TRIM25: variants seen among roughly 807,000 people sequenced by gnomAD.
The protein encoded by TRIM25 is E3 ubiquitin/ISG15 ligase TRIM25.
In TRIM25, 45 loss-of-function variants were observed where a neutral mutation model predicts 65.2. The ratio of observed to expected loss-of-function variants is 0.69; its 90% CI spans 0.54 to 0.89. The LOEUF (loss-of-function observed/expected upper bound fraction) is 0.89. TRIM25 is among the 40% of genes least tolerant of loss of function. The pLI is 0.00. For synonymous variants in TRIM25, 321 were observed against 340.4 expected, an observed-to-expected ratio of 0.94 and a Z score of 0.63; for missense variants, 714 against 803.7, an observed-to-expected ratio of 0.89 and a Z score of 1.35.
chr17:56,911,382 C>T (rs774853002), intron 1 of TRIM25, among the ~76,000 whole-genome samples: 46 of 152,028 alleles, frequency 3.0e-4, no homozygotes, highest in South Asian at 2.1e-4. Context: ...GAATTCGAGA[C>T]CAGCCTGGCC....
At position 56,888,016 on chromosome 17, in the gene TRIM25, C is replaced by A. The variant is rs1012583310; in HGVS notation, c.*3684G>T. 2.6e-5 allele frequency: 4 copies of A among 152,286 alleles called. No individual in the cohort carries two copies. Among genetic ancestry groups the A allele is most frequent in the African/African-American group, 9.6e-5 (4 of 41,472 alleles). 9.4% of individuals were successfully genotyped at this position (152,286 alleles called of 1,614,324 possible). A position where few individuals can be genotyped will look rare whatever the true frequency, so the allele number is the denominator to read the frequency against. On this transcript the variant is annotated 3_prime_UTR_variant, in exon 9 of 9. Coordinates refer to ENST00000316881, the MANE Select transcript of TRIM25 (RefSeq NM_005082.5). ...CTTGAGCACAGTGCTCCCATGCCCCCTCTTCGTGGAATTAGGGCACACTGC... is the reference window on the plus strand; with the variant it reads ...CTTGAGCACAGTGCTCCCATGCCCCATCTTCGTGGAATTAGGGCACACTGC...
intron 1 of TRIM25, among the ~76,000 whole-genome samples, chr17:56,909,684 C>CAAAA (rs34148848): frequency 8.0e-6 from 1 of 124,602 alleles, no homozygotes; most frequent in African/African-American, 3.1e-5. Flanking sequence ...GACCCTGTCT[C>CAAAA]AAAAAAAAAA....
chr17:56,913,930 AAGGGCTCCAGGCAGATGG>A lies in TRIM25; in HGVS notation c.41_58del (p.Ser14_Pro19del), dbSNP rs769490626. 1 of 1,585,580 alleles carries A rather than the reference AAGGGCTCCAGGCAGATGG, an allele frequency of 6.3e-7. No homozygotes were observed. Among genetic ancestry groups the A allele is most frequent in the Non-Finnish European group, 8.6e-7 (1 of 1,166,698 alleles). ...GCACGGAGTGGTGACCGGCTCCTTG[AAGGGCTCCAGGCAGATGG>A]AGCACGACAGCTCCTCGGCCAGGGG... On this transcript the variant is annotated inframe_deletion, in exon 1 of 9. Transcript: ENST00000316881. This position sits in a 1 kb window ranked among gnomAD's most constrained non-coding sequence, Gnocchi z 6.1.
rs1909169255 is a variant in TRIM25, at chr17:56,891,538, T to A, written c.*162A>T. 2.2e-6 allele frequency: 2 copies of A among 889,680 alleles called. No homozygotes were observed. The highest frequency in any genetic ancestry group is 3.6e-5 in the South Asian group (2 of 55,996). 55.1% of individuals were successfully genotyped at this position (889,680 alleles called of 1,614,324 possible). ...CCACAACACAATCACTCTCACCCCT[T>A]TCCTGGCTAAATCCCACCTCCCACC... On this transcript the variant is annotated 3_prime_UTR_variant, in exon 9 of 9. Coordinates refer to ENST00000316881, the MANE Select transcript of TRIM25 (RefSeq NM_005082.5).
intron 8 of TRIM25, among the ~76,000 whole-genome samples, chr17:56,894,808 C>T (rs1243754550): frequency 6.6e-6 from 1 of 151,962 alleles, no homozygotes; most frequent in African/African-American, 2.4e-5. Flanking sequence ...GGCCAGGAGG[C>T]GAGGAAGGGG....
intron 1 of TRIM25, among the ~76,000 whole-genome samples, chr17:56,912,406 A>G (rs1909647225): frequency 6.6e-6 from 1 of 152,224 alleles, no homozygotes; most frequent in African/African-American, 2.4e-5. Flanking sequence ...GCCAGGACGG[A>G]GGACACTATG....
intron 2 of TRIM25, 75 bp from the exon 3 acceptor site, chr17:56,904,563 G>C: frequency 7.4e-7 from 1 of 1,352,718 alleles, no homozygotes; most frequent in South Asian, 1.2e-5. Flanking sequence ...GCATGGGTGA[G>C]ATGTGGAGTT....
At chr17:56,904,052 T>C (rs926034735) in intron 3 of TRIM25, among the ~76,000 whole-genome samples, 1 of 152,094 alleles carries the variant, frequency 6.6e-6, no homozygotes, top group Admixed American at 6.6e-5. Context: ...AGAGAAACTC[T>C]GAGAGAATAA....
chr17:56,907,536 A>C lies in TRIM25; in HGVS notation c.693+932T>G, dbSNP rs116571846. Among the ~76,000 whole-genome samples the C allele has an allele frequency of 4.1e-3, 626 of 152,362 alleles. 8 individuals carry two copies. The highest frequency in any genetic ancestry group is 0.015 in the African/African-American group (606 of 41,582). On this transcript the variant is annotated intron_variant, in intron 2 of 8. Coordinates refer to ENST00000316881, the MANE Select transcript of TRIM25 (RefSeq NM_005082.5). ...AAAACTGGTGCTGCAGCTCTGAAAA[A>C]GGGTAAAAATCTGATCTTTCCATTT...
At chr17:56,898,328 C>T (rs1168732908) in intron 5 of TRIM25, among the ~76,000 whole-genome samples, 1 of 152,182 alleles carries the variant, frequency 6.6e-6, no homozygotes, top group Non-Finnish European at 1.5e-5. Context: ...GGTATATGGA[C>T]ATCTCAGTGG....
intron 3 of TRIM25, among the ~76,000 whole-genome samples, chr17:56,903,024 C>T (rs1909444131): frequency 6.6e-6 from 1 of 152,190 alleles, no homozygotes; most frequent in Non-Finnish European, 1.5e-5. Context: ...CACCAAAGGC[C>T]TAACTAAAAG....
intron 5 of TRIM25, among the ~76,000 whole-genome samples, chr17:56,898,520 C>T (rs1355489272): frequency 6.6e-6 from 1 of 152,088 alleles, no homozygotes; most frequent in Non-Finnish European, 1.5e-5. Context: ...GATAGTACCC[C>T]TAGGAGGGCA....
chr17:56,893,120 T>C (rs1334631515), intron 8 of TRIM25, among the ~76,000 whole-genome samples: 1 of 151,586 alleles, frequency 6.6e-6, no homozygotes, highest in Non-Finnish European at 1.5e-5. Flanking sequence ...GCTGGGTGGC[T>C]GGGAACACAG....
At position 56,891,595 on chromosome 17, in the gene TRIM25, C is replaced by G. The variant is rs573685313; in HGVS notation, c.*105G>C. On this transcript the variant is annotated 3_prime_UTR_variant, in exon 9 of 9. Coordinates refer to ENST00000316881, the MANE Select transcript of TRIM25 (RefSeq NM_005082.5). ...CCAGCTCCCCTCCCATGCTCCCAAT[C>G]CTTGGGACCTCTTGGGGAATTATCC... 2 of 612,036 alleles carry G rather than the reference C, an allele frequency of 3.3e-6. No homozygotes were observed. The highest frequency in any genetic ancestry group is 4.0e-5 in the African/African-American group (2 of 50,308). The allele number at this position is 612,036 out of a possible 1,614,324, so 37.9% of individuals were successfully genotyped here.
intron 1 of TRIM25, among the ~76,000 whole-genome samples, chr17:56,909,593 G>A (rs1180645541): frequency 1.3e-5 from 2 of 151,444 alleles, no homozygotes; most frequent in African/African-American, 4.9e-5. Flanking sequence ...GCTGAGGCAG[G>A]AGGATCGCTT....
In TRIM25 at chr17:56,895,550, A is replaced by G. The variant is rs1909274983; in HGVS notation, c.1235T>C (p.Leu412Ser). ...CAAGCCAGCTTGTTTTAAATCCACT[A>G]ACTGTTCCGGGGCTCCAAACGTGGG... is the stretch of plus-strand genomic sequence containing the variant. Reference protein sequence around the residue: ...KLPTFGAPEQLVDLKQAGLEA... With the variant: ...KLPTFGAPEQSVDLKQAGLEA... Residue 412 changes from leucine to serine, a missense_variant, in exon 7 of 9, where the codon TTA becomes TCA. This residue lies in a region of TRIM25 where 413 missense variants were observed against 498.2 expected (regional missense o/e 0.83). Coordinates refer to ENST00000316881, the MANE Select transcript of TRIM25 (RefSeq NM_005082.5). 6.3e-7 allele frequency: 1 copy of G among 1,598,400 alleles called. No homozygotes were observed. Among genetic ancestry groups the G allele is most frequent in the South Asian group, 1.1e-5 (1 of 88,460 alleles).
rs1194359581 is a variant in TRIM25 at position 56,913,838 on chromosome 17, G to A, written c.151C>T (p.Pro51Ser). The change falls in exon 1 of 9, where the codon CCG becomes TCG. Residue 51 changes from proline to serine, a missense_variant. This residue lies in a region of TRIM25 where 291 missense variants were observed against 281.8 expected (regional missense o/e 1.03). Coordinates refer to ENST00000316881, the MANE Select transcript of TRIM25 (RefSeq NM_005082.5). This position sits in a 1 kb window ranked among gnomAD's most constrained non-coding sequence, Gnocchi z 6.1. ...WAVQGSPYLC[P>S]QCRAVYQARP... ...GCCTGGTAGACGGCGCGGCACTGCG[G>A]GCACAGGTATGGCGAGCCCTGGACT... The A allele has an allele frequency of 1.3e-6, 2 of 1,562,298 alleles. No homozygotes were observed. Among genetic ancestry groups the A allele is most frequent in the East Asian group, 4.8e-5 (2 of 41,790 alleles).
At chr17:56,893,766 G>T (rs916624759) in intron 8 of TRIM25, among the ~76,000 whole-genome samples, 1 of 152,324 alleles carries the variant, frequency 6.6e-6, no homozygotes, top group South Asian at 2.1e-4. Context: ...ACCCAGGGGG[G>T]TATAGCAGCT....
chr17:56,888,828 C>T lies in TRIM25; in HGVS notation c.*2872G>A, dbSNP rs1909109842. Reference sequence around the variant, plus strand: ...CCTTGGGTGGGGCCTGGGCAGGTCCCTGGGCAGTAGCCGTCTGTAGTGGGC... The same window carrying T: ...CCTTGGGTGGGGCCTGGGCAGGTCCTTGGGCAGTAGCCGTCTGTAGTGGGC... On this transcript the variant is annotated 3_prime_UTR_variant, in exon 9 of 9. Transcript: ENST00000316881. The T allele has an allele frequency of 6.6e-6, 1 of 152,226 alleles. No individual in the cohort carries two copies. Among genetic ancestry groups the T allele is most frequent in the Non-Finnish European group, 1.5e-5 (1 of 68,084 alleles). 9.4% of individuals were successfully genotyped at this position (152,226 alleles called of 1,614,324 possible). A position where few individuals can be genotyped will look rare whatever the true frequency, so the allele number is the denominator to read the frequency against.
Sources: gnomAD v4.1 joint callset for allele counts (sites outside exome capture counted in the v4.1 genomes callset) on GRCh38, gnomAD v4.1.1 for gene constraint, gnomAD v4.1.1 regional missense constraint, Gnocchi (gnomAD v3.1) non-coding constraint, MANE v1.5 for transcripts, NCBI Gene and HGNC (gene_info 2026-07-23, HGNC 2026-07-21) for gene names.